The following FSTL5 variants were observed in gnomAD, a reference collection of about 807,000 sequenced individuals.
FSTL5 encodes follistatin like 5.
A neutral mutation model predicts 89.1 loss-of-function variants in FSTL5; 62 were observed. The ratio of observed to expected loss-of-function variants is 0.70; its 90% CI spans 0.57 to 0.86. The LOEUF (loss-of-function observed/expected upper bound fraction) is 0.86. FSTL5 is among the 40% of genes least tolerant of loss of function. FSTL5 has a pLI of 0.00. For synonymous variants in FSTL5, 383 were observed against 346.2 expected (o/e 1.11, Z -1.18); for missense variants, 1,057 against 1,001.6 (o/e 1.06, Z -0.75).
chr4:161,833,427 G>T (rs201137582), intron 4 of FSTL5, among the ~76,000 whole-genome samples: 284 of 122,710 alleles, frequency 2.3e-3, no homozygotes, highest in Non-Finnish European at 3.3e-3. Flanking sequence ...TTCAATTCCT[G>T]GGTATCCTTG....
chr4:161,729,190 AG>A (rs1418894424), intron 6 of FSTL5, among the ~76,000 whole-genome samples: 1 of 152,172 alleles, frequency 6.6e-6, no homozygotes. Flanking sequence ...CTACAATTCA[AG>A]GTATCTTTTT....
chr4:161,415,691 A>AAG (rs904772507), intron 15 of FSTL5, among the ~76,000 whole-genome samples: 301 of 147,726 alleles, frequency 2.0e-3, no homozygotes, highest in African/African-American at 7.1e-3. Context: ...AAGAGAGAGA[A>AAG]AGAGAGAGAG....
intron 5 of FSTL5, among the ~76,000 whole-genome samples, chr4:161,762,448 G>C (rs113994664): frequency 6.6e-4 from 100 of 152,282 alleles, no homozygotes; most frequent in African/African-American, 2.4e-3. Context: ...AAAACTCACT[G>C]TAGACTTCTC....
intron 2 of FSTL5, among the ~76,000 whole-genome samples, chr4:162,039,033 C>T (rs753530227): frequency 2.6e-5 from 4 of 151,786 alleles, no homozygotes; most frequent in Admixed American, 6.6e-5. Context: ...ACGAATGAGA[C>T]TAGTCATGTG....
intron 6 of FSTL5, among the ~76,000 whole-genome samples, chr4:161,710,986 C>T (rs958627316): frequency 1.3e-5 from 2 of 151,982 alleles, no homozygotes; most frequent in African/African-American, 2.4e-5. Flanking sequence ...AAAATAATTG[C>T]AGATGAATGA....
chr4:161,442,941 G>A (rs1732821394), intron 15 of FSTL5, among the ~76,000 whole-genome samples: 1 of 151,932 alleles, frequency 6.6e-6, no homozygotes, highest in African/African-American at 2.4e-5. Flanking sequence ...GTTAGGACTA[G>A]CTAAATCATA....
chr4:161,410,863 A>C (rs1158764400), intron 15 of FSTL5, among the ~76,000 whole-genome samples: 1 of 152,054 alleles, frequency 6.6e-6, no homozygotes, highest in Non-Finnish European at 1.5e-5. Context: ...AGCAGAAGAA[A>C]GGAAATAACT....
chr4:161,773,846 C>T (rs934913207), intron 5 of FSTL5, among the ~76,000 whole-genome samples: 1 of 152,078 alleles, frequency 6.6e-6, no homozygotes, highest in African/African-American at 2.4e-5. Flanking sequence ...TGGGTATCTA[C>T]CAAGAAGAAA....
chr4:162,002,628 A>G (rs1736497763), intron 3 of FSTL5, among the ~76,000 whole-genome samples: 1 of 152,182 alleles, frequency 6.6e-6, no homozygotes, highest in Non-Finnish European at 1.5e-5. Context: ...TCTACTTACA[A>G]AGAGATTCCA....
chr4:161,547,640 C>T (rs1399577083), intron 8 of FSTL5, among the ~76,000 whole-genome samples: 1 of 151,832 alleles, frequency 6.6e-6, no homozygotes, highest in Admixed American at 6.6e-5. Flanking sequence ...CAAAAAATCA[C>T]TGAATGTAAT....
intron 8 of FSTL5, among the ~76,000 whole-genome samples, chr4:161,581,808 T>A (rs1286153385): frequency 6.6e-6 from 1 of 152,244 alleles, no homozygotes; most frequent in East Asian, 1.9e-4. Flanking sequence ...ATAATTTGAA[T>A]GGGAGAGAAG....
chr4:161,903,553 T>C (rs1038250517), intron 4 of FSTL5, among the ~76,000 whole-genome samples: 2 of 151,994 alleles, frequency 1.3e-5, no homozygotes, highest in African/African-American at 4.8e-5. Context: ...ACTATTATAG[T>C]CTCACAACAT....
intron 6 of FSTL5, among the ~76,000 whole-genome samples, chr4:161,696,539 C>A (rs2126725606): frequency 6.6e-6 from 1 of 152,148 alleles, no homozygotes; most frequent in Middle Eastern, 3.4e-3. Context: ...TTGCTATTGG[C>A]AGTATGGTCA....
chr4:161,960,857 A>G (rs1325557885), intron 3 of FSTL5, among the ~76,000 whole-genome samples: 1 of 152,092 alleles, frequency 6.6e-6, no homozygotes, highest in Non-Finnish European at 1.5e-5. Flanking sequence ...AATAGGAAAA[A>G]TAAACTAACA....
chr4:161,816,109 C>T (rs1262703897), intron 4 of FSTL5, among the ~76,000 whole-genome samples: 1 of 152,084 alleles, frequency 6.6e-6, no homozygotes, highest in Non-Finnish European at 1.5e-5. Context: ...GAGTGCAGAG[C>T]TAAATCAGGC....
chr4:162,054,079 C>T (rs1189260417), intron 2 of FSTL5, among the ~76,000 whole-genome samples: 1 of 151,798 alleles, frequency 6.6e-6, no homozygotes, highest in African/African-American at 2.4e-5. Flanking sequence ...CACTGATACA[C>T]ACATTTGAGC....
At chr4:161,992,038 G>T (rs986155385) in intron 3 of FSTL5, among the ~76,000 whole-genome samples, 1 of 152,208 alleles carries the variant, frequency 6.6e-6, no homozygotes, top group Admixed American at 6.5e-5. Flanking sequence ...CATCAAGGAG[G>T]CGGTGTGGCA....
At chr4:161,400,665 T>C (rs1374875719) in intron 15 of FSTL5, among the ~76,000 whole-genome samples, 1 of 152,144 alleles carries the variant, frequency 6.6e-6, no homozygotes, top group Non-Finnish European at 1.5e-5. Flanking sequence ...AGTTACTAAA[T>C]ATTACATATA....
At chr4:161,744,676 C>T (rs1164476393) in intron 6 of FSTL5, among the ~76,000 whole-genome samples, 4 of 152,014 alleles carry the variant, frequency 2.6e-5, no homozygotes, top group South Asian at 2.1e-4. Context: ...TAGATCAGTT[C>T]TCAACACCCT....
Sources: gnomAD v4.1 joint callset for allele counts (sites outside exome capture counted in the v4.1 genomes callset) on GRCh38, gnomAD v4.1.1 for gene constraint, MANE v1.5 for transcripts, NCBI Gene and HGNC (gene_info 2026-07-23, HGNC 2026-07-21) for gene names.